The following KCNK10 variants were observed in gnomAD, a reference collection of about 807,000 sequenced individuals.
The protein encoded by KCNK10 is potassium two pore domain channel subfamily K member 10, also known as potassium channel subfamily K member 10.
KCNK10 carries 25 observed loss-of-function variants against 47.7 expected under a neutral mutation model. The ratio of observed to expected loss-of-function variants is 0.52; its 90% confidence interval spans 0.38 to 0.73. KCNK10 has a LOEUF of 0.73. KCNK10 is among the 30% of genes least tolerant of loss of function. The pLI, the probability that KCNK10 is intolerant of heterozygous loss-of-function variation, is 0.00. For missense variants in KCNK10, 563 were observed against 714.5 expected (o/e 0.79, Z 2.42); for synonymous variants, 303 against 285.6 (o/e 1.06, Z -0.61).
At chr14:88,205,735 A>G (rs1885252164) in intron 4 of KCNK10, among the ~76,000 whole-genome samples, 2 of 151,362 alleles carry the variant, frequency 1.3e-5, no homozygotes, top group Non-Finnish European at 2.9e-5. Context: ...AGTAAGATGG[A>G]GTTTCACTAT....
chr14:88,293,835 T>C (rs1169425812), intron 1 of KCNK10, among the ~76,000 whole-genome samples: 1 of 151,772 alleles, frequency 6.6e-6, no homozygotes, highest in Non-Finnish European at 1.5e-5. Context: ...ACCACCACAC[T>C]TGGCTAATTT....
intron 2 of KCNK10, among the ~76,000 whole-genome samples, chr14:88,247,256 C>T (rs750580248): frequency 2.6e-5 from 4 of 152,124 alleles, no homozygotes; most frequent in Non-Finnish European, 5.9e-5. Flanking sequence ...TGCAATAGGA[C>T]GAAGGGAAGA....
At chr14:88,189,600 A>G (rs1198159220) in intron 5 of KCNK10, among the ~76,000 whole-genome samples, 2 of 152,170 alleles carry the variant, frequency 1.3e-5, no homozygotes, top group Admixed American at 1.3e-4. Flanking sequence ...TGAGCTGCTT[A>G]TCTGGATTCG....
intron 2 of KCNK10, among the ~76,000 whole-genome samples, chr14:88,258,541 G>A (rs1020698847): frequency 2.0e-5 from 3 of 152,194 alleles, no homozygotes; most frequent in Non-Finnish European, 4.4e-5. Flanking sequence ...CGCTTGACTC[G>A]GCCTCCCACA....
At chr14:88,202,986 T>C (rs1885149981) in intron 4 of KCNK10, among the ~76,000 whole-genome samples, 1 of 152,164 alleles carries the variant, frequency 6.6e-6, no homozygotes, top group South Asian at 2.1e-4. Flanking sequence ...AACCTTGCCC[T>C]TGATCAAGAT....
chr14:88,244,538 G>A (rs900745851), intron 2 of KCNK10, among the ~76,000 whole-genome samples: 8 of 151,918 alleles, frequency 5.3e-5, no homozygotes, highest in Non-Finnish European at 8.8e-5. Flanking sequence ...GCGTGGTGGC[G>A]GGCGCTGTAG....
At chr14:88,309,316 A>G (rs3861649) in intron 1 of KCNK10, among the ~76,000 whole-genome samples, 80,093 of 152,160 alleles carry the variant, frequency 0.53, 24,369 homozygotes, top group Non-Finnish European at 0.69. Flanking sequence ...AAAAGGCTCA[A>G]GCAGGCAGGG....
At chr14:88,313,579 C>G (rs886761194) in intron 1 of KCNK10, among the ~76,000 whole-genome samples, 1 of 152,120 alleles carries the variant, frequency 6.6e-6, no homozygotes, top group Non-Finnish European at 1.5e-5. Flanking sequence ...AGCCCTCTCC[C>G]CAACAACCAG....
chr14:88,224,299 G>A (rs367588660), intron 4 of KCNK10, among the ~76,000 whole-genome samples: 11 of 152,202 alleles, frequency 7.2e-5, no homozygotes, highest in Non-Finnish European at 1.5e-4. Context: ...AAGCCCTTTC[G>A]GAAACAAAGC....
rs1409886925 is a variant in KCNK10, at chr14:88,281,806, G to C, written c.53-18255C>G. 3.1e-5 allele frequency among the ~76,000 whole-genome samples: 4 copies of C among 128,286 alleles called. No individual in the cohort carries two copies. In the East Asian group the frequency reaches 6.7e-4, roughly 21 times the overall value. The allele number at this position is 128,286 out of a possible 152,430, so 84.2% of individuals were successfully genotyped here. A position where few individuals can be genotyped will look rare whatever the true frequency, so the allele number is the denominator to read the frequency against. On this transcript the variant is annotated intron_variant, in intron 1 of 6. Transcript: ENST00000319231. The stretch of plus-strand genomic sequence containing the variant: ...CATATATACATATATCTCTCATATA[G>C]ATATATATATACACAAGATACATTT...
chr14:88,307,543 G>C (rs1461897289), intron 1 of KCNK10, among the ~76,000 whole-genome samples: 1 of 152,144 alleles, frequency 6.6e-6, no homozygotes, highest in Non-Finnish European at 1.5e-5. Context: ...GATGATGATT[G>C]CACAACTCTG....
chr14:88,202,963 G>C (rs1000220898), intron 4 of KCNK10, among the ~76,000 whole-genome samples: 2 of 152,190 alleles, frequency 1.3e-5, no homozygotes, highest in Admixed American at 1.3e-4. Context: ...GAGTGGGGTG[G>C]GCATGGAAGG....
At chr14:88,310,036 T>C (rs1422481271) in intron 1 of KCNK10, among the ~76,000 whole-genome samples, 3 of 151,710 alleles carry the variant, frequency 2.0e-5, no homozygotes, top group Non-Finnish European at 4.4e-5. Flanking sequence ...AGTTCTCTCA[T>C]AGGAACTATT....
intron 4 of KCNK10, among the ~76,000 whole-genome samples, chr14:88,207,151 G>A (rs1055816326): frequency 6.8e-6 from 1 of 148,068 alleles, no homozygotes; most frequent in Non-Finnish European, 1.5e-5. Flanking sequence ...TACTAGTTTC[G>A]ATTTCAAGGT....
rs1888563762 is a variant in KCNK10 at position 88,322,310 on chromosome 14, T to G, written c.52+437A>C. On this transcript the variant is annotated intron_variant, in intron 1 of 6. Transcript: ENST00000319231. This position sits in a 1 kb window ranked among gnomAD's most constrained non-coding sequence, Gnocchi z 4.8. Reference sequence around the variant, plus strand: ...GAGCCCCACTTGCTGCCAGGAAACCTTTCCCACTGAGGACACCCGGGCATG... The same window carrying G: ...GAGCCCCACTTGCTGCCAGGAAACCGTTCCCACTGAGGACACCCGGGCATG... Among the ~76,000 whole-genome samples, 1 of 152,066 alleles carries G rather than the reference T, an allele frequency of 6.6e-6. No individual in the cohort carries two copies. The highest frequency in any genetic ancestry group is 2.4e-5 in the African/African-American group (1 of 41,408).
intron 1 of KCNK10, among the ~76,000 whole-genome samples, chr14:88,266,634 C>T (rs1160861398): frequency 1.3e-5 from 2 of 152,258 alleles, no homozygotes; most frequent in Non-Finnish European, 2.9e-5. Flanking sequence ...ATCGGAATCA[C>T]CAGCACTCTC....
intron 1 of KCNK10, among the ~76,000 whole-genome samples, chr14:88,302,902 A>G (rs1178623484): frequency 1.3e-5 from 2 of 152,078 alleles, no homozygotes; most frequent in Non-Finnish European, 2.9e-5. Flanking sequence ...AACAGATCCA[A>G]TTTTGGTTAA....
At chr14:88,224,153 T>G (rs1885911835) in intron 4 of KCNK10, among the ~76,000 whole-genome samples, 1 of 152,244 alleles carries the variant, frequency 6.6e-6, no homozygotes, top group African/African-American at 2.4e-5. Flanking sequence ...GAGAGCAAAA[T>G]TAAACATTTT....
chr14:88,298,569 C>G (rs1050737445), intron 1 of KCNK10, among the ~76,000 whole-genome samples: 12 of 152,148 alleles, frequency 7.9e-5, no homozygotes, highest in African/African-American at 2.9e-4. Flanking sequence ...GGTCCTCAGC[C>G]CTCTCAGTGA....
Sources: gnomAD v4.1 joint callset for allele counts (sites outside exome capture counted in the v4.1 genomes callset) on GRCh38, gnomAD v4.1.1 for gene constraint, Gnocchi (gnomAD v3.1) non-coding constraint, MANE v1.5 for transcripts, NCBI Gene and HGNC (gene_info 2026-07-23, HGNC 2026-07-21) for gene names.